PCDH15: variants seen among roughly 807,000 people sequenced by gnomAD.
The protein encoded by PCDH15 is protocadherin-15.
A neutral mutation model predicts 178.5 loss-of-function variants in PCDH15; 129 were observed. That is an observed-to-expected ratio of 0.72 (90% CI 0.63 to 0.84). The LOEUF is 0.84. PCDH15 is among the 40% of genes least tolerant of loss of function. PCDH15 has a pLI of 0.00. For synonymous variants in PCDH15, 800 were observed against 732.0 expected (o/e 1.09, Z -1.50); for missense variants, 2,230 against 2,099.9 (o/e 1.06, Z -1.21).
At chr10:54,898,412 A>G (rs1371906707) in intron 2 of PCDH15, among the ~76,000 whole-genome samples, 1 of 152,300 alleles carries the variant, frequency 6.6e-6, no homozygotes, top group East Asian at 1.9e-4. Flanking sequence ...ACTATAATTT[A>G]TTATGTTGGC....
chr10:54,055,809 T>C (rs1045776270), intron 18 of PCDH15, among the ~76,000 whole-genome samples: 2 of 152,258 alleles, frequency 1.3e-5, no homozygotes, highest in Non-Finnish European at 2.9e-5. Flanking sequence ...GTTTTTCTCA[T>C]GATCATGTAT....
At chr10:53,973,076 T>G (rs967302511) in intron 21 of PCDH15, among the ~76,000 whole-genome samples, 6 of 151,888 alleles carry the variant, frequency 4.0e-5, no homozygotes, top group African/African-American at 1.5e-4. Flanking sequence ...ATTAAGAAAA[T>G]GTGGCACATA....
chr10:55,259,765 G>A (rs1842099572), intron 1 of PCDH15, among the ~76,000 whole-genome samples: 1 of 151,696 alleles, frequency 6.6e-6, no homozygotes, highest in African/African-American at 2.4e-5. Context: ...AGCTGGGCGT[G>A]GCGGTGCATG....
chr10:55,496,082 T>G, intron 2 of PCDH15, among the ~76,000 whole-genome samples: 1 of 151,822 alleles, frequency 6.6e-6, no homozygotes, highest in East Asian at 1.9e-4. Context: ...GGAGGAAAAA[T>G]AATTTTAGAT....
chr10:54,327,547 A>C (rs1038475324), intron 7 of PCDH15, among the ~76,000 whole-genome samples: 13 of 151,988 alleles, frequency 8.6e-5, no homozygotes, highest in Admixed American at 2.6e-4. Context: ...GTCTATCTAC[A>C]TATTTCTATC....
At chr10:54,836,160 G>A (rs1953312419) in intron 3 of PCDH15, among the ~76,000 whole-genome samples, 2 of 152,138 alleles carry the variant, frequency 1.3e-5, no homozygotes, top group Non-Finnish European at 2.9e-5. Flanking sequence ...CTGCAGAGAA[G>A]ATAAAGAGTT....
At chr10:54,424,000 C>T (rs1287632092) in intron 3 of PCDH15, among the ~76,000 whole-genome samples, 2 of 151,790 alleles carry the variant, frequency 1.3e-5, no homozygotes, top group African/African-American at 2.4e-5. Flanking sequence ...CAACAAAAGC[C>T]AAAATTGACA....
At chr10:54,047,266 A>G (rs1333757046) in intron 18 of PCDH15, among the ~76,000 whole-genome samples, 2 of 149,176 alleles carry the variant, frequency 1.3e-5, no homozygotes, top group African/African-American at 2.5e-5. Context: ...AAATGCCTTC[A>G]TTATCTTTGC....
chr10:54,605,728 G>A (rs1842521752), intron 2 of PCDH15: 1 of 152,098 alleles, frequency 6.6e-6, no homozygotes, highest in Admixed American at 6.6e-5. Context: ...ATGCTGAACT[G>A]AGCTGGGGAA....
intron 1 of PCDH15, among the ~76,000 whole-genome samples, chr10:55,254,159 A>G (rs913406014): frequency 6.6e-6 from 1 of 152,214 alleles, no homozygotes; most frequent in South Asian, 2.1e-4. Flanking sequence ...TGTAACTTAA[A>G]TAACTAAAAT....
intron 2 of PCDH15, among the ~76,000 whole-genome samples, chr10:55,564,303 C>A (rs1295748009): frequency 6.6e-6 from 1 of 151,050 alleles, no homozygotes; most frequent in Non-Finnish European, 1.5e-5. Context: ...TGAGCTTTTG[C>A]TAATATACAT....
At chr10:55,342,447 A>C (rs1329817493) in intron 2 of PCDH15, among the ~76,000 whole-genome samples, 1 of 151,774 alleles carries the variant, frequency 6.6e-6, no homozygotes, top group Non-Finnish European at 1.5e-5. Context: ...TGTTTGTTTT[A>C]CTTTTTATTA....
chr10:54,133,454 C>A (rs2042617884), intron 14 of PCDH15, among the ~76,000 whole-genome samples: 2 of 152,130 alleles, frequency 1.3e-5, no homozygotes, highest in Admixed American at 1.3e-4. Context: ...TGCGTTTTAT[C>A]AGTTCTGTTG....
At chr10:54,114,007 G>A (rs2095070059) in intron 15 of PCDH15, among the ~76,000 whole-genome samples, 1 of 152,054 alleles carries the variant, frequency 6.6e-6, no homozygotes, top group Admixed American at 6.6e-5. Flanking sequence ...ACTATCATGA[G>A]AATGGCATAG....
chr10:54,951,955 A>G (rs777019973), intron 2 of PCDH15, among the ~76,000 whole-genome samples: 1 of 151,804 alleles, frequency 6.6e-6, no homozygotes, highest in Non-Finnish European at 1.5e-5. Context: ...CCTCTATCAG[A>G]TAATTATGTT....
At chr10:55,334,018 A>C (rs1297002702) in intron 2 of PCDH15, among the ~76,000 whole-genome samples, 1 of 151,510 alleles carries the variant, frequency 6.6e-6, no homozygotes, top group Non-Finnish European at 1.5e-5. Context: ...CATACTTTAA[A>C]ATAAATAAAA....
intron 1 of PCDH15, among the ~76,000 whole-genome samples, chr10:54,743,699 C>T (rs531530150): frequency 6.6e-6 from 1 of 151,856 alleles, no homozygotes; most frequent in Non-Finnish European, 1.5e-5. Context: ...GGCATAGTAG[C>T]ATCCTTAACA....
intron 1 of PCDH15, among the ~76,000 whole-genome samples, chr10:55,208,449 C>A (rs908296633): frequency 3.3e-5 from 5 of 152,018 alleles, no homozygotes; most frequent in South Asian, 4.1e-4. Flanking sequence ...CACCTCCCCC[C>A]ACATACTCTA....
chr10:55,365,966 T>C (rs1252124399), intron 2 of PCDH15: 1 of 152,156 alleles, frequency 6.6e-6, no homozygotes, highest in Non-Finnish European at 1.5e-5. Context: ...CTGGAGTTAC[T>C]TACTCATGTC....
Sources: allele counts gnomAD v4.1 joint callset (sites outside exome capture counted in the v4.1 genomes callset), GRCh38; gene constraint gnomAD v4.1.1; transcripts MANE v1.5; gene names NCBI Gene and HGNC (gene_info 2026-07-23, HGNC 2026-07-21).